The following STAM variants were observed in gnomAD, a reference collection of about 807,000 sequenced individuals.
STAM encodes the protein signal transducing adapter molecule 1.
In STAM, 16 loss-of-function variants were observed where a neutral mutation model predicts 63.4. That is an observed-to-expected ratio of 0.25 (90% CI 0.17 to 0.38). STAM has a LOEUF of 0.38. STAM is among the 10% of genes least tolerant of loss of function. STAM has a pLI of 1.00. For missense variants in STAM, 636 were observed against 657.1 expected (o/e 0.97, Z 0.35); for synonymous variants, 238 against 223.9 (o/e 1.06, Z -0.56).
In STAM at chr10:17,688,161, T is replaced by C; in HGVS notation, c.432T>C (p.Ala144=). The change falls in exon 5 of 14, where the codon GCT becomes GCC. Residue 144 remains alanine, a synonymous_variant. Coordinates refer to ENST00000377524, the MANE Select transcript of STAM (RefSeq NM_003473.4). ...AGGAACAAGGAGTTACGTTCCCAGC[T>C]ATTGGCTCTCAGGTATTTTGGGAAT... ...NLKEQGVTFP[A]IGSQAAEQAK... 6.4e-7 allele frequency: 1 copy of C among 1,565,262 alleles called. No individual in the cohort carries two copies. The highest frequency in any genetic ancestry group is 2.3e-5 in the East Asian group (1 of 43,294).
intron 2 of STAM, among the ~76,000 whole-genome samples, chr10:17,662,170 A>T (rs137970831): frequency 3.4e-4 from 52 of 152,036 alleles, no homozygotes; most frequent in African/African-American, 1.2e-3. Context: ...TTCCATACTG[A>T]GTTCAGTTTA....
chr10:17,705,151 TCTTGTG>T (rs1308496146), intron 11 of STAM, 127 bp downstream of exon 11: 2 of 744,938 alleles, frequency 2.7e-6, no homozygotes, highest in African/African-American at 3.5e-5. Context: ...CATTCACATA[TCTTGTG>T]CTAGATGTGG....
At chr10:17,676,706 A>C (rs1230751654) in intron 2 of STAM, among the ~76,000 whole-genome samples, 4 of 151,964 alleles carry the variant, frequency 2.6e-5, no homozygotes, top group Non-Finnish European at 5.9e-5. Flanking sequence ...ACCATCTTTC[A>C]CTCGCGAAAG....
chr10:17,680,928 G>A (rs1397637479), intron 2 of STAM, among the ~76,000 whole-genome samples: 3 of 152,168 alleles, frequency 2.0e-5, no homozygotes, highest in Non-Finnish European at 4.4e-5. Context: ...CTATGAACAC[G>A]GGTATACCAC....
At chr10:17,695,308 C>T in intron 7 of STAM, 67 bp downstream of exon 7, 1 of 1,417,298 alleles carries the variant, frequency 7.1e-7, no homozygotes, top group Non-Finnish European at 9.6e-7. Context: ...CATATTATTC[C>T]TGTTGATTGC....
At chr10:17,680,016 C>G (rs1554825116) in intron 2 of STAM, among the ~76,000 whole-genome samples, 1 of 151,614 alleles carries the variant, frequency 6.6e-6, no homozygotes, top group Non-Finnish European at 1.5e-5. Flanking sequence ...TTTGTTGATC[C>G]TTTAAAAAAA....
chr10:17,654,580 A>G (rs1016107515), intron 1 of STAM, among the ~76,000 whole-genome samples: 1 of 152,186 alleles, frequency 6.6e-6, no homozygotes, highest in Non-Finnish European at 1.5e-5. Context: ...TTCATATTGC[A>G]GATACATGAG....
chr10:17,662,631 A>G (rs1834217573), intron 2 of STAM, among the ~76,000 whole-genome samples: 2 of 152,192 alleles, frequency 1.3e-5, no homozygotes, highest in Non-Finnish European at 2.9e-5. Flanking sequence ...CTCTAGAGGG[A>G]GAATGCCTGG....
At chr10:17,662,127 G>A (rs983060735) in intron 2 of STAM, among the ~76,000 whole-genome samples, 4 of 151,666 alleles carry the variant, frequency 2.6e-5, no homozygotes, top group East Asian at 1.9e-4. Context: ...TCCAGTTGCC[G>A]TATAACAGCT....
At chr10:17,707,682 G>C (rs1400353649) in intron 12 of STAM, among the ~76,000 whole-genome samples, 1 of 152,108 alleles carries the variant, frequency 6.6e-6, no homozygotes, top group African/African-American at 2.4e-5. Flanking sequence ...TGGTATAGCT[G>C]TGTTTATAAT....
chr10:17,665,851 C>T (rs1834353241), intron 2 of STAM, among the ~76,000 whole-genome samples: 3 of 152,018 alleles, frequency 2.0e-5, no homozygotes, highest in African/African-American at 7.3e-5. Flanking sequence ...TTTCTAACGT[C>T]TCAAGATATT....
chr10:17,672,032 T>C (rs1195193556), intron 2 of STAM, among the ~76,000 whole-genome samples: 2 of 152,236 alleles, frequency 1.3e-5, no homozygotes, highest in Non-Finnish European at 1.5e-5. Context: ...AACTGAGATA[T>C]AGAGCTATTT....
chr10:17,668,259 C>T (rs1300201829), intron 2 of STAM, among the ~76,000 whole-genome samples: 4 of 152,004 alleles, frequency 2.6e-5, no homozygotes, highest in African/African-American at 7.2e-5. Flanking sequence ...TGGAGCTGGG[C>T]AGTTTTAGGA....
At chr10:17,645,283 T>A (rs1229650292) in intron 1 of STAM, among the ~76,000 whole-genome samples, 1 of 152,210 alleles carries the variant, frequency 6.6e-6, no homozygotes, top group Non-Finnish European at 1.5e-5. Context: ...AAATCCCTTA[T>A]GGCAGAATGT....
At chr10:17,682,092 AATAT>A in intron 2 of STAM, among the ~76,000 whole-genome samples, 1 of 152,306 alleles carries the variant, frequency 6.6e-6, no homozygotes, top group Admixed American at 6.5e-5. Context: ...AGTTTTGACA[AATAT>A]ATATACCTAT....
intron 9 of STAM, among the ~76,000 whole-genome samples, chr10:17,701,345 A>G (rs1835986122): frequency 6.6e-6 from 1 of 152,224 alleles, no homozygotes; most frequent in East Asian, 1.9e-4. Context: ...AACATTAACA[A>G]CTGTTGAGTT....
intron 4 of STAM, among the ~76,000 whole-genome samples, chr10:17,686,106 T>C (rs1835282309): frequency 6.6e-6 from 1 of 152,230 alleles, no homozygotes; most frequent in Non-Finnish European, 1.5e-5. Context: ...ATTCTTTCCC[T>C]TTCCTGCTTT....
chr10:17,700,433 T>A (rs868955719), intron 9 of STAM, among the ~76,000 whole-genome samples, 154 bp downstream of exon 9: 1 of 152,202 alleles, frequency 6.6e-6, no homozygotes, highest in African/African-American at 2.4e-5. Flanking sequence ...GCAGACTGTT[T>A]TTTGAAACTT....
intron 2 of STAM, among the ~76,000 whole-genome samples, 181 bp from the exon 3 acceptor site, chr10:17,684,494 T>C (rs1032646627): frequency 7.9e-5 from 12 of 152,172 alleles, no homozygotes; most frequent in African/African-American, 2.9e-4. Flanking sequence ...GCCTGTTAAT[T>C]TTGTTTGAAA....
Sources: allele counts gnomAD v4.1 joint callset (sites outside exome capture counted in the v4.1 genomes callset), GRCh38; gene constraint gnomAD v4.1.1; transcripts MANE v1.5; gene names NCBI Gene and HGNC (gene_info 2026-07-23, HGNC 2026-07-21).